Variants in PACRGL observed in about 807,000 individuals in gnomAD.
PACRGL encodes the protein parkin coregulated like.
PACRGL carries 38 observed loss-of-function variants against 34.5 expected under a neutral mutation model. The ratio of observed to expected loss-of-function variants is 1.10; its 90% CI spans 0.85 to 1.44. The LOEUF is 1.44. Ranked by LOEUF, PACRGL falls within the 40% of genes most tolerant of loss-of-function variation. The pLI is 0.00. For missense variants in PACRGL, 305 were observed against 281.4 expected (o/e 1.08, Z -0.60); for synonymous variants, 128 against 100.1 (o/e 1.28, Z -1.66).
At chr4:20,701,654 TG>T (rs1485891560) in intron 1 of PACRGL, 1 of 320,514 alleles carries the variant, frequency 3.1e-6, no homozygotes, top group Non-Finnish European at 6.2e-6. Context: ...GGCTTGTCAG[TG>T]GCATGCTTCC....
intron 8 of PACRGL, among the ~76,000 whole-genome samples, chr4:20,749,900 G>A (rs1753278248): frequency 6.6e-6 from 1 of 152,206 alleles, no homozygotes; most frequent in South Asian, 2.1e-4. Flanking sequence ...TAGAGTTTGA[G>A]ATTCACAGGA....
chr4:20,724,559 A>G, intron 7 of PACRGL, among the ~76,000 whole-genome samples: 1 of 152,212 alleles, frequency 6.6e-6, no homozygotes, highest in East Asian at 1.9e-4. Flanking sequence ...ATGCTATTTT[A>G]TAGAAACCTT....
Position 20,709,644 on chromosome 4 carries a change from A to G in PACRGL, c.276-39A>G, listed in dbSNP as rs1252605744. 8 of 1,310,730 alleles carry G rather than the reference A, an allele frequency of 6.1e-6. No individual in the cohort carries two copies. In the East Asian group the frequency reaches 1.9e-4, roughly 30 times the overall value. 81.2% of individuals were successfully genotyped at this position (1,310,730 alleles called of 1,614,324 possible). ...GATTATCCCTGCTTAATATAGAATT[A>G]TATTTTTCTTGTTGCATTCACTAAC... On this transcript the variant is annotated intron_variant, in intron 4 of 8. Coordinates refer to ENST00000503585, the MANE Select transcript of PACRGL (RefSeq NM_001258345.3).
At chr4:20,742,961 A>G (rs1353723348) in intron 8 of PACRGL, among the ~76,000 whole-genome samples, 1 of 152,116 alleles carries the variant, frequency 6.6e-6, no homozygotes, top group Non-Finnish European at 1.5e-5. Flanking sequence ...ACTCCCATTC[A>G]CAATTGCTTC....
upstream of PACRGL, among the ~76,000 whole-genome samples, chr4:20,697,561 CAGTAACCT>C (rs1731294379): frequency 6.6e-6 from 1 of 152,158 alleles, no homozygotes; most frequent in Admixed American, 6.5e-5. Flanking sequence ...ACAGACAGTG[CAGTAACCT>C]AGAGATAGTA....
intron 8 of PACRGL, among the ~76,000 whole-genome samples, chr4:20,748,408 C>A (rs992004069): frequency 3.9e-5 from 6 of 151,902 alleles, no homozygotes; most frequent in African/African-American, 1.2e-4. Context: ...ACTGAGCAGG[C>A]TTCCCTGCTA....
In PACRGL at chr4:20,712,870, A is replaced by C; in HGVS notation, c.449A>C (p.Glu150Ala). 1 of 1,605,970 alleles carries C rather than the reference A, an allele frequency of 6.2e-7. No individual in the cohort carries two copies. The highest frequency in any genetic ancestry group is 8.5e-7 in the Non-Finnish European group (1 of 1,175,106). ...TTACTTTTGGTCAAAGGTGCTCCTG[A>C]AAAAGCTATTCCTTTGCTACCTAGA... ...RELLLVKGAP[E>A]KAIPLLPRLI... Residue 150 changes from glutamate (E) to alanine (A), a missense_variant, in exon 6 of 9, where the codon GAA becomes GCA. Physicochemically the swap from Glu to Ala is moderately radical, Grantham distance 107. Coordinates refer to ENST00000503585, the MANE Select transcript of PACRGL (RefSeq NM_001258345.3).
rs536748545 is a variant in PACRGL at position 20,752,124 on chromosome 4, T to C, written c.*57-441T>C. Among the ~76,000 whole-genome samples the C allele has an allele frequency of 3.4e-5, 5 of 146,184 alleles. No homozygotes were observed. The South Asian group carries it at 1.1e-3, about 33-fold the overall frequency. Reference sequence around the variant, plus strand: ...CCCAGGCTGGAGTGCAATGGCACGATCTCGGGTCACTGCAGCCTCCACCTC... The same window carrying C: ...CCCAGGCTGGAGTGCAATGGCACGACCTCGGGTCACTGCAGCCTCCACCTC... On this transcript the variant is annotated intron_variant, in intron 8 of 8. Coordinates refer to the PACRGL transcript ENST00000507634.
chr4:20,725,454 T>G (rs1460653514), intron 8 of PACRGL, among the ~76,000 whole-genome samples: 1 of 152,128 alleles, frequency 6.6e-6, no homozygotes, highest in Non-Finnish European at 1.5e-5. Context: ...TATGGAGGAT[T>G]TCATAACTGT....
chr4:20,707,652 G>A, intron 3 of PACRGL, 151 bp from the exon 4 acceptor site: 1 of 680,352 alleles, frequency 1.5e-6, no homozygotes, highest in South Asian at 1.6e-5. Flanking sequence ...TGGTATTCTA[G>A]TAGAGAGAGG....
chr4:20,748,552 T>A (rs925329163), intron 8 of PACRGL, among the ~76,000 whole-genome samples: 1 of 110,912 alleles, frequency 9.0e-6, no homozygotes, highest in Non-Finnish European at 1.8e-5. Flanking sequence ...AAATGCACCT[T>A]CCAAATTTTA....
rs187683979 is a variant in PACRGL at position 20,724,169 on chromosome 4, C to G, written c.610-639C>G. 2.9e-3 allele frequency among the ~76,000 whole-genome samples: 446 copies of G among 152,268 alleles called. 6 individuals are homozygous for G. The highest frequency in any genetic ancestry group is 0.027 in the Admixed American group (412 of 15,292). ...GGACTTTAAAGAGGGAATAAATCACCTGAAAATCTTGCTTAAAAATGTAGA... is the reference window on the plus strand; with the variant it reads ...GGACTTTAAAGAGGGAATAAATCACGTGAAAATCTTGCTTAAAAATGTAGA... On this transcript the variant is annotated intron_variant, in intron 7 of 8. Coordinates refer to ENST00000503585, the MANE Select transcript of PACRGL (RefSeq NM_001258345.3).
intron 8 of PACRGL, among the ~76,000 whole-genome samples, chr4:20,740,738 T>C (rs1011155356): frequency 6.6e-6 from 1 of 152,126 alleles, no homozygotes; most frequent in Non-Finnish European, 1.5e-5. Context: ...TAACCTTAAA[T>C]GTAAATGGGC....
chr4:20,710,049 G>A (rs1180186346), intron 5 of PACRGL, among the ~76,000 whole-genome samples: 1 of 152,154 alleles, frequency 6.6e-6, no homozygotes, highest in Non-Finnish European at 1.5e-5. Flanking sequence ...AAAATATGTG[G>A]ACTCATAATG....
At chr4:20,732,741 T>C, downstream of PACRGL, 1 of 1,612,664 alleles carries the variant, frequency 6.2e-7, no homozygotes, top group East Asian at 2.2e-5. Context: ...GATATGTACA[T>C]TTACCCATCA....
At chr4:20,764,854 G>A in the PACRGL span, among the ~76,000 whole-genome samples, 1 of 152,158 alleles carries the variant, frequency 6.6e-6, no homozygotes, top group Admixed American at 6.5e-5. Flanking sequence ...GGGTCGCTGT[G>A]ATGGCACTCA....
At chr4:20,736,410 T>C (rs1408527830), downstream of PACRGL, among the ~76,000 whole-genome samples, 1 of 152,200 alleles carries the variant, frequency 6.6e-6, no homozygotes, top group Admixed American at 6.5e-5. Context: ...TTTTCTATCA[T>C]ATATTCTAAA....
downstream of PACRGL, among the ~76,000 whole-genome samples, chr4:20,753,216 G>A (rs1753946719): frequency 6.6e-6 from 1 of 152,066 alleles, no homozygotes; most frequent in Admixed American, 6.6e-5. Context: ...GACATACTGA[G>A]GTCACCTAGT....
rs1373342801 is a variant in PACRGL, at chr4:20,730,046, A to C, written c.*2705A>C. The C allele has an allele frequency of 6.3e-7, 1 of 1,594,244 alleles. No homozygotes were observed. The highest frequency in any genetic ancestry group is 1.4e-5 in the African/African-American group (1 of 73,980). On this transcript the variant is annotated 3_prime_UTR_variant, in exon 9 of 9. Transcript: ENST00000503585. Reference sequence around the variant, plus strand: ...AACTTTAAGGGTGGTAGAATAGTTCACATTTGTCTGTTGGATTCAGGATCT... The same window carrying C: ...AACTTTAAGGGTGGTAGAATAGTTCCCATTTGTCTGTTGGATTCAGGATCT...
Sources: gnomAD v4.1 joint callset for allele counts (sites outside exome capture counted in the v4.1 genomes callset) on GRCh38, gnomAD v4.1.1 for gene constraint, MANE v1.5 for transcripts, NCBI Gene and HGNC (gene_info 2026-07-23, HGNC 2026-07-21) for gene names.